Variants in EML6 observed in about 807,000 individuals in gnomAD.
The protein encoded by EML6 is EMAP like 6, also known as echinoderm microtubule-associated protein-like 6.
Under a neutral mutation model 240.1 loss-of-function variants are expected in EML6, and 154 were observed. The ratio of observed to expected loss-of-function variants is 0.64; its 90% CI spans 0.56 to 0.73. The LOEUF (loss-of-function observed/expected upper bound fraction) is 0.73. Ranked by LOEUF, EML6 falls within the 30% of genes least tolerant of loss-of-function variation. The probability of loss-of-function intolerance (pLI) is 0.00; values close to 1 mark genes in which losing one functional copy is unlikely to be tolerated. For missense variants in EML6, 2,964 were observed against 2,474.6 expected, an observed-to-expected ratio of 1.20 and a Z score of -4.20; for synonymous variants, 1,148 against 899.0, an observed-to-expected ratio of 1.28 and a Z score of -4.95.
At chr2:54,888,947 C>A (rs146855635) in intron 17 of EML6, among the ~76,000 whole-genome samples, 1 of 152,154 alleles carries the variant, frequency 6.6e-6, no homozygotes, top group Admixed American at 6.5e-5. Flanking sequence ...AACTGTCTTT[C>A]AAAATAGCTG....
In EML6 at chr2:54,952,595, G is replaced by A. The variant is rs1676039073; in HGVS notation, c.4215G>A (p.Gly1405=). ...CCTCCCATGATCTCTCTCCCCCAGG[G>A]AGCCAGAGCTTCTATCTGGAGCACA... The part of the protein sequence containing the change: ...AAGIVQNLST[G]SQSFYLEHTD... The change falls in exon 31 of 42, where the codon GGG becomes GGA. Residue 1405 remains glycine (G), a splice_region_variant and synonymous_variant. Coordinates refer to ENST00000356458, the MANE Select transcript of EML6 (RefSeq NM_001039753.4). 2 of 1,549,312 alleles carry A rather than the reference G, an allele frequency of 1.3e-6. No individual in the cohort carries two copies. Among genetic ancestry groups the A allele is most frequent in the Non-Finnish European group, 1.7e-6 (2 of 1,145,418 alleles).
chr2:54,923,735 G>A (rs1382742020), intron 26 of EML6, among the ~76,000 whole-genome samples: 1 of 152,096 alleles, frequency 6.6e-6, no homozygotes, highest in Non-Finnish European at 1.5e-5. Context: ...CATCTCTTAT[G>A]AAGATACATA....
intron 31 of EML6, 99 bp from the exon 32 acceptor site, chr2:54,953,883 TC>T: frequency 2.2e-6 from 2 of 905,822 alleles, no homozygotes; most frequent in Non-Finnish European, 3.2e-6. Flanking sequence ...CAAGACTCTG[TC>T]TAAAAAAAAA....
intron 9 of EML6, 135 bp downstream of exon 9, chr2:54,847,758 A>AGTAT: frequency 1.3e-6 from 1 of 782,356 alleles, no homozygotes; most frequent in Non-Finnish European, 1.8e-6. Flanking sequence ...TAGATCTACG[A>AGTAT]TCCCCTATCT....
At chr2:54,874,847 C>G (rs1671423891) in intron 16 of EML6, among the ~76,000 whole-genome samples, 1 of 152,150 alleles carries the variant, frequency 6.6e-6, no homozygotes, top group Admixed American at 6.5e-5. Flanking sequence ...ACTTTATAGG[C>G]TGAGAATGGA....
intron 30 of EML6, 61 bp downstream of exon 30, chr2:54,950,840 CT>C: frequency 6.7e-7 from 1 of 1,490,370 alleles, no homozygotes; most frequent in South Asian, 1.3e-5. Context: ...GCTTTCCCCA[CT>C]CTTTAGATGC....
chr2:54,733,937 A>T (rs72913543), intron 2 of EML6, among the ~76,000 whole-genome samples: 1 of 152,192 alleles, frequency 6.6e-6, no homozygotes, highest in African/African-American at 2.4e-5. Context: ...GTAGAAGAGA[A>T]GGAGGCAAAT....
In EML6 at chr2:54,813,408, A is replaced by G. The variant is rs916085656; in HGVS notation, c.357+17A>G. 6 of 1,546,712 alleles carry G rather than the reference A, an allele frequency of 3.9e-6. No homozygotes were observed. Among genetic ancestry groups the G allele is most frequent in the Non-Finnish European group, 5.2e-6 (6 of 1,143,614 alleles). ...GATGGACAGGTGTGTATCTTTTTTT[A>G]GTTGTTTTATTTAATGACTTCTCAC... On this transcript the variant is annotated intron_variant, in intron 3 of 41. Transcript: ENST00000356458.
intron 2 of EML6, among the ~76,000 whole-genome samples, chr2:54,797,179 A>AAAAAAAAC (rs1553380384): frequency 4.8e-5 from 7 of 146,906 alleles, no homozygotes; most frequent in African/African-American, 1.7e-4. Flanking sequence ...AAAAAAAAAA[A>AAAAAAAAC]AAAAAAAAAA....
At chr2:54,768,895 CTA>C (rs1435891571) in intron 2 of EML6, among the ~76,000 whole-genome samples, 2 of 152,016 alleles carry the variant, frequency 1.3e-5, no homozygotes, top group African/African-American at 4.8e-5. Context: ...AAATCCCAAT[CTA>C]TGATTTATAG....
chr2:54,968,907 G>C, intron 41 of EML6, 139 bp downstream of exon 41: 1 of 592,576 alleles, frequency 1.7e-6, no homozygotes, highest in South Asian at 2.0e-5. Context: ...AATTCCATGA[G>C]TCCTCATGAA....
chr2:54,957,435 G>T (rs1176823178), intron 32 of EML6, among the ~76,000 whole-genome samples: 3 of 151,726 alleles, frequency 2.0e-5, no homozygotes, highest in Non-Finnish European at 4.4e-5. Flanking sequence ...CCTGTGGGGG[G>T]ACGACTCCTG....
intron 2 of EML6, among the ~76,000 whole-genome samples, chr2:54,808,350 G>C (rs1670605601): frequency 6.6e-6 from 1 of 152,144 alleles, no homozygotes; most frequent in African/African-American, 2.4e-5. Flanking sequence ...CACTGAGGTT[G>C]GGTCACTCCC....
intron 2 of EML6, among the ~76,000 whole-genome samples, chr2:54,766,051 C>G (rs978785632): frequency 6.6e-6 from 1 of 152,124 alleles, no homozygotes; most frequent in Non-Finnish European, 1.5e-5. Flanking sequence ...CTTCCTCTCT[C>G]TATTCTTTTC....
chr2:54,813,493 G>T (rs941283294), intron 3 of EML6, 102 bp downstream of exon 3: 3 of 1,003,270 alleles, frequency 3.0e-6, no homozygotes, highest in African/African-American at 3.3e-5. Context: ...AACCCTTGCT[G>T]GTTCTTCTGG....
intron 17 of EML6, among the ~76,000 whole-genome samples, chr2:54,887,869 G>A (rs1348800456): frequency 1.3e-5 from 2 of 152,086 alleles, no homozygotes; most frequent in Admixed American, 1.3e-4. Flanking sequence ...TCACCCTCCT[G>A]CACTAGACGG....
At chr2:54,792,160 TA>T (rs1190775479) in intron 2 of EML6, among the ~76,000 whole-genome samples, 1 of 152,086 alleles carries the variant, frequency 6.6e-6, no homozygotes, top group Non-Finnish European at 1.5e-5. Flanking sequence ...ACATTCATCT[TA>T]AAGCCATATA....
intron 26 of EML6, 141 bp from the exon 27 acceptor site, chr2:54,928,172 A>G (rs1674657570): frequency 2.8e-6 from 2 of 710,376 alleles, no homozygotes; most frequent in East Asian, 5.4e-5. Context: ...GCCTGCCCAC[A>G]TGGAGCTTAC....
At chr2:54,826,169 G>A (rs114968003) in intron 5 of EML6, among the ~76,000 whole-genome samples, 1,897 of 152,196 alleles carry the variant, frequency 0.012, 23 homozygotes, top group African/African-American at 0.032. Flanking sequence ...TATCTTCAGT[G>A]AGCTACTTCT....
Sources: allele counts gnomAD v4.1 joint callset (sites outside exome capture counted in the v4.1 genomes callset), GRCh38; gene constraint gnomAD v4.1.1; transcripts MANE v1.5; gene names NCBI Gene and HGNC (gene_info 2026-07-23, HGNC 2026-07-21).